HDHD2: variants seen among roughly 807,000 people sequenced by gnomAD.
HDHD2 encodes the protein haloacid dehalogenase like hydrolase domain containing 2.
HDHD2 carries 26 observed loss-of-function variants against 24.8 expected under a neutral mutation model. The observed-to-expected ratio is 1.05, with a 90% CI of 0.77 to 1.45. The LOEUF (loss-of-function observed/expected upper bound fraction) is 1.45. Among genes scored for constraint, HDHD2 ranks in the 40% most tolerant of loss-of-function variants. HDHD2 has a pLI of 0.00. For missense variants in HDHD2, 299 were observed against 313.4 expected (o/e 0.95, Z 0.35); for synonymous variants, 128 against 114.9 (o/e 1.11, Z -0.73).
rs777484724 is a variant in HDHD2, at chr18:47,115,335, C to A, written c.409G>T (p.Gly137Ter). ...TTGTGGATTGCTATCAGAGGTGCTC[C>A]ATCCAGGAGTAACCTAGAGAGAACA... is the stretch of plus-strand genomic sequence containing the variant. ...LNQAFRLLLDGAPLIAIHKAR... is the reference protein window; with the variant it reads ...LNQAFRLLLD The change falls in exon 5 of 7, where the codon GGA (glycine) becomes TGA (stop). Residue 137 changes from glycine (G) to a stop codon, truncating the protein, a stop_gained. Transcript: ENST00000300605. LOFTEE classifies it high-confidence loss of function. 1 of 1,613,448 alleles carries A rather than the reference C, an allele frequency of 6.2e-7. No homozygotes were observed. Among genetic ancestry groups the A allele is most frequent in the Admixed American group, 1.7e-5 (1 of 59,994 alleles).
At chr18:47,138,332 C>T (rs1482084611) in intron 1 of HDHD2, among the ~76,000 whole-genome samples, 4 of 152,036 alleles carry the variant, frequency 2.6e-5, no homozygotes, top group African/African-American at 9.7e-5. Flanking sequence ...AGGATTCCTA[C>T]TTAAATGTTC....
At chr18:47,125,861 C>T (rs565974375) in intron 4 of HDHD2, among the ~76,000 whole-genome samples, 2 of 152,260 alleles carry the variant, frequency 1.3e-5, no homozygotes, top group East Asian at 3.9e-4. Flanking sequence ...ATCTGTATAA[C>T]TTACAGTGCA....
intron 3 of HDHD2, among the ~76,000 whole-genome samples, chr18:47,131,641 T>C (rs557891498): frequency 1.4e-4 from 21 of 152,220 alleles, no homozygotes; most frequent in Non-Finnish European, 2.6e-4. Flanking sequence ...AAAGTAGTCA[T>C]ACACAGCTTG....
chr18:47,110,631 C>T (rs962529457), intron 6 of HDHD2: 3 of 984,690 alleles, frequency 3.0e-6, no homozygotes, highest in African/African-American at 1.7e-5. Flanking sequence ...TTAGTTCTAG[C>T]ACCTAGCACA....
At chr18:47,149,473 C>T (rs1736335602) in intron 1 of HDHD2, among the ~76,000 whole-genome samples, 2 of 152,126 alleles carry the variant, frequency 1.3e-5, no homozygotes, top group Non-Finnish European at 2.9e-5. Flanking sequence ...TCCCCGCTGA[C>T]CTCTGGATAA....
rs528067522 is a variant in HDHD2 at position 47,139,983 on chromosome 18, G to A, written c.-10-3534C>T. On this transcript the variant is annotated intron_variant, in intron 1 of 6. Coordinates refer to ENST00000300605, the MANE Select transcript of HDHD2 (RefSeq NM_032124.5). ...AATGGCAATATTGCTGAAGCCTCCT[G>A]TAAGAACCTGGTCAGTTAAATTTCC... Among the ~76,000 whole-genome samples, 9 of 152,308 alleles carry A rather than the reference G, an allele frequency of 5.9e-5. No homozygotes were observed. The East Asian group carries it at 1.5e-3, about 26-fold the overall frequency.
chr18:47,117,560 ACT>A (rs764908510), intron 4 of HDHD2, among the ~76,000 whole-genome samples: 1 of 152,068 alleles, frequency 6.6e-6, no homozygotes, highest in Non-Finnish European at 1.5e-5. Context: ...ATAAGAAATA[ACT>A]CTGTTCTTTA....
intron 5 of HDHD2, among the ~76,000 whole-genome samples, chr18:47,113,914 T>C (rs751906455): frequency 2.0e-5 from 3 of 150,922 alleles, no homozygotes; most frequent in Non-Finnish European, 4.4e-5. Flanking sequence ...GATAGGGAGG[T>C]GGGAAAAAGA....
intron 1 of HDHD2, among the ~76,000 whole-genome samples, chr18:47,139,069 C>T (rs1473053285): frequency 6.6e-6 from 1 of 152,128 alleles, no homozygotes; most frequent in African/African-American, 2.4e-5. Flanking sequence ...GGGTGGCACA[C>T]CCTAACTCCA....
chr18:47,113,138 A>G, intron 5 of HDHD2, 98 bp from the exon 6 acceptor site: 7 of 928,164 alleles, frequency 7.5e-6, no homozygotes, highest in Non-Finnish European at 1.2e-5. Context: ...TCCAACTGTA[A>G]TGCCATGTTT....
At chr18:47,149,413 T>C (rs898624080) in intron 1 of HDHD2, among the ~76,000 whole-genome samples, 1 of 152,136 alleles carries the variant, frequency 6.6e-6, no homozygotes, top group African/African-American at 2.4e-5. Context: ...AGGCATTCAA[T>C]AAATGACGGT....
At chr18:47,129,945 A>G (rs1402485072) in intron 4 of HDHD2, among the ~76,000 whole-genome samples, 2 of 152,094 alleles carry the variant, frequency 1.3e-5, no homozygotes, top group African/African-American at 2.4e-5. Flanking sequence ...AGGAGCACCT[A>G]AGTCTGAGCC....
intron 2 of HDHD2, 122 bp from the exon 3 acceptor site, chr18:47,134,826 T>C: frequency 2.8e-6 from 2 of 715,694 alleles, no homozygotes; most frequent in Admixed American, 5.4e-5. Flanking sequence ...ATGTGTAGCC[T>C]CTTGCCCCTC....
intron 4 of HDHD2, among the ~76,000 whole-genome samples, chr18:47,125,064 A>C (rs2063644903): frequency 2.0e-5 from 3 of 152,160 alleles, no homozygotes; most frequent in Admixed American, 2.0e-4. Context: ...TGGGAGGCTA[A>C]GGCAGGAGGA....
intron 5 of HDHD2, among the ~76,000 whole-genome samples, chr18:47,114,392 T>C (rs1395301645): frequency 6.6e-6 from 1 of 152,196 alleles, no homozygotes; most frequent in Non-Finnish European, 1.5e-5. Flanking sequence ...TCCCAGTCTA[T>C]AAAATGAGGA....
chr18:47,136,907 A>G (rs1276096298), intron 1 of HDHD2: 2 of 448,854 alleles, frequency 4.5e-6, no homozygotes, highest in South Asian at 2.5e-5. Flanking sequence ...CTGAAACAGA[A>G]TATGTGGCTC....
chr18:47,132,846 T>C (rs2063726035), intron 3 of HDHD2, among the ~76,000 whole-genome samples: 2 of 152,246 alleles, frequency 1.3e-5, no homozygotes. Flanking sequence ...AAATATTTCA[T>C]GTTCAATGTA....
intron 1 of HDHD2, among the ~76,000 whole-genome samples, chr18:47,145,226 C>T (rs908466821): frequency 6.6e-6 from 1 of 152,218 alleles, no homozygotes; most frequent in Non-Finnish European, 1.5e-5. Context: ...CAACTCCAAT[C>T]AATATCCCAA....
chr18:47,112,023 T>C (rs2063519750), intron 6 of HDHD2, among the ~76,000 whole-genome samples: 1 of 152,234 alleles, frequency 6.6e-6, no homozygotes, highest in South Asian at 2.1e-4. Context: ...AGTCTGGTGA[T>C]GATTCTTGGA....
Sources: allele counts gnomAD v4.1 joint callset (sites outside exome capture counted in the v4.1 genomes callset), GRCh38; gene constraint gnomAD v4.1.1; transcripts MANE v1.5; gene names NCBI Gene and HGNC (gene_info 2026-07-23, HGNC 2026-07-21).